Variants in PHF24 observed in about 807,000 individuals in gnomAD.
PHF24 encodes the protein PHD finger protein 24, also known as Galpha inhibitory interacting protein.
Under a neutral mutation model 42.6 loss-of-function variants are expected in PHF24, and 25 were observed. That is an observed-to-expected ratio of 0.59 (90% CI 0.43 to 0.82). The LOEUF is 0.82. PHF24 is among the 40% of genes least tolerant of loss of function. The pLI is 0.00. For missense variants in PHF24, 470 were observed against 538.1 expected (o/e 0.87, Z 1.25); for synonymous variants, 185 against 204.8 (o/e 0.90, Z 0.83).
intron 4 of PHF24, 82 bp downstream of exon 4, chr9:34,976,312 A>G (rs891596214): frequency 1.6e-6 from 2 of 1,254,906 alleles, no homozygotes; most frequent in Admixed American, 1.7e-5. Flanking sequence ...CCATGAAAGG[A>G]GTGTTCCATA....
chr9:34,794,262 GAACTGACATGGAAA>G, the PHF24 span, among the ~76,000 whole-genome samples: 1 of 152,094 alleles, frequency 6.6e-6, no homozygotes, highest in Admixed American at 6.5e-5. Flanking sequence ...TTTAACAACT[GAACTGACATGGAAA>G]CACAGTTCAC....
the PHF24 span, chr9:34,724,885 C>T: frequency 6.5e-7 from 1 of 1,549,684 alleles, no homozygotes; most frequent in South Asian, 1.2e-5. Context: ...GCAGCCCCGA[C>T]AGGAAGGCCA....
chr9:34,950,654 C>T, the PHF24 span, among the ~76,000 whole-genome samples: 1,157 of 152,066 alleles, frequency 7.6e-3, 25 homozygotes, highest in African/African-American at 0.025. Context: ...TTAAAAACCA[C>T]GAATTGTACC....
the PHF24 span, chr9:34,710,079 G>A: frequency 1.2e-5 from 19 of 1,612,416 alleles, no homozygotes; most frequent in Admixed American, 3.0e-4. Context: ...CTGTGGTAGA[G>A]GGTGAGTAAG....
chr9:34,834,499 A>C, the PHF24 span: 1 of 1,551,652 alleles, frequency 6.4e-7, no homozygotes, highest in Non-Finnish European at 8.7e-7. Context: ...AGCGATGGCG[A>C]ATCGACTGTT....
the PHF24 span, chr9:34,918,407 T>TAA: frequency 1.8e-5 from 9 of 502,482 alleles, no homozygotes; most frequent in Admixed American, 3.4e-5. Context: ...ACCAAGGTCT[T>TAA]TAAAAAAAAA....
chr9:34,924,334 T>C, the PHF24 span, among the ~76,000 whole-genome samples: 1 of 38,022 alleles, frequency 2.6e-5, no homozygotes, highest in Non-Finnish European at 7.4e-5. Flanking sequence ...TTTGTTGATC[T>C]TCTGTCTAGA....
At chr9:34,921,500 A>C in the PHF24 span, among the ~76,000 whole-genome samples, 6 of 152,230 alleles carry the variant, frequency 3.9e-5, no homozygotes, top group African/African-American at 1.4e-4. Flanking sequence ...ATTTGTTCTT[A>C]GGTTGCCTAA....
the PHF24 span, among the ~76,000 whole-genome samples, chr9:34,948,292 T>C: frequency 6.6e-6 from 1 of 151,454 alleles, no homozygotes; most frequent in Non-Finnish European, 1.5e-5. Context: ...CTAAGGATAA[T>C]TTTTTTTGAA....
rs565585345 is a variant in PHF24, at chr9:34,967,774, A to G, written c.-4-3521A>G. On this transcript the variant is annotated intron_variant, in intron 1 of 7. Transcript: ENST00000242315. ...CCTCAGCAAAAAATTTAACATATAC[A>G]TACTCTTCTCTCCATCCCCACCCCA... Among the ~76,000 whole-genome samples the G allele has an allele frequency of 3.9e-5, 6 of 152,270 alleles. No homozygotes were observed. In the South Asian group the frequency reaches 1.0e-3, roughly 26 times the overall value.
the PHF24 span, among the ~76,000 whole-genome samples, chr9:34,943,978 G>A: frequency 2.0e-5 from 3 of 152,318 alleles, no homozygotes; most frequent in Admixed American, 1.3e-4. Context: ...TCTGAGCTCT[G>A]CCATAAGACA....
chr9:34,713,944 G>A, the PHF24 span, among the ~76,000 whole-genome samples: 1 of 152,182 alleles, frequency 6.6e-6, no homozygotes, highest in Non-Finnish European at 1.5e-5. Flanking sequence ...GCCATGGCCA[G>A]AGACAGAAAT....
At chr9:34,788,434 A>C in the PHF24 span, among the ~76,000 whole-genome samples, 1 of 152,180 alleles carries the variant, frequency 6.6e-6, no homozygotes, top group Non-Finnish European at 1.5e-5. Context: ...CTTTCAAAAT[A>C]GAACTCCCTG....
At chr9:34,926,289 C>T in the PHF24 span, among the ~76,000 whole-genome samples, 21 of 152,302 alleles carry the variant, frequency 1.4e-4, no homozygotes, top group Admixed American at 1.0e-3. The surrounding 1 kb of genome is among the most constrained non-coding windows in gnomAD (Gnocchi z 4.3). Flanking sequence ...GACATGCCTG[C>T]CAGAAGTGGC....
At chr9:34,723,282 G>A in the PHF24 span, 17 of 1,551,664 alleles carry the variant, frequency 1.1e-5, no homozygotes, top group African/African-American at 1.5e-4. Flanking sequence ...GGACAGTGAC[G>A]AGGGCAGTGG....
chr9:34,934,788 C>T, the PHF24 span, among the ~76,000 whole-genome samples: 1 of 152,110 alleles, frequency 6.6e-6, no homozygotes, highest in African/African-American at 2.4e-5. Context: ...ATTTATTTAG[C>T]AATGTAAGGC....
chr9:34,792,686 A>G, the PHF24 span, among the ~76,000 whole-genome samples: 6 of 152,144 alleles, frequency 3.9e-5, no homozygotes, highest in Non-Finnish European at 8.8e-5. Context: ...GGAAAAAAAA[A>G]AAAGAATCTA....
At chr9:34,955,403 C>T (rs1183516919), upstream of PHF24, among the ~76,000 whole-genome samples, 22 of 58,566 alleles carry the variant, frequency 3.8e-4, no homozygotes, top group Admixed American at 3.0e-3. Flanking sequence ...TAGGGCCAGC[C>T]GCAAGTGGCT....
chr9:34,798,213 A>G, the PHF24 span, among the ~76,000 whole-genome samples: 1 of 152,138 alleles, frequency 6.6e-6, no homozygotes, highest in Non-Finnish European at 1.5e-5. Flanking sequence ...TATAAGTCAT[A>G]ATTTTCTTTT....
Sources: allele counts gnomAD v4.1 joint callset (sites outside exome capture counted in the v4.1 genomes callset), GRCh38; gene constraint gnomAD v4.1.1; non-coding constraint Gnocchi (gnomAD v3.1); transcripts MANE v1.5; gene names NCBI Gene and HGNC (gene_info 2026-07-23, HGNC 2026-07-21).